The following ARHGAP15 variants were observed in gnomAD, a reference collection of about 807,000 sequenced individuals.
ARHGAP15 encodes Rho GTPase activating protein 15.
In ARHGAP15, 51 loss-of-function variants were observed where a neutral mutation model predicts 63.7. The ratio of observed to expected loss-of-function variants is 0.80; its 90% CI spans 0.64 to 1.01. The LOEUF (loss-of-function observed/expected upper bound fraction) is 1.01, where lower values mean the gene tolerates loss of function less well. Among genes scored for constraint, ARHGAP15 ranks in the 50% least tolerant of loss-of-function variants. The pLI, the probability that ARHGAP15 is intolerant of heterozygous loss-of-function variation, is 0.00. For synonymous variants in ARHGAP15, 191 were observed against 193.8 expected (o/e 0.99, Z 0.12); for missense variants, 560 against 564.6 (o/e 0.99, Z 0.08).
chr2:143,740,828 G>A (rs967211886), intron 13 of ARHGAP15, among the ~76,000 whole-genome samples: 2 of 152,050 alleles, frequency 1.3e-5, no homozygotes, highest in Non-Finnish European at 2.9e-5. Flanking sequence ...CCATATTTAT[G>A]TGTTTCAGCA....
chr2:143,511,751 T>C (rs1420916146), intron 9 of ARHGAP15, among the ~76,000 whole-genome samples: 1 of 152,204 alleles, frequency 6.6e-6, no homozygotes, highest in Non-Finnish European at 1.5e-5. Flanking sequence ...TTTCCATGGC[T>C]CAAATGGATT....
In ARHGAP15 at chr2:143,261,647, C is replaced by T. The variant is rs530920378; in HGVS notation, c.474+11047C>T. Among the ~76,000 whole-genome samples, 18 of 152,118 alleles carry T rather than the reference C, an allele frequency of 1.2e-4. No individual in the cohort carries two copies. In the East Asian group the frequency reaches 2.3e-3, roughly 20 times the overall value. On this transcript the variant is annotated intron_variant, in intron 6 of 13. Transcript: ENST00000295095. ...ACAGGCCTAAGCCACGGTGCCTGGC[C>T]GACCCTTTTCGTTCATAGGAATCTA...
At chr2:143,587,999 G>T (rs550820669) in intron 11 of ARHGAP15, among the ~76,000 whole-genome samples, 2 of 152,092 alleles carry the variant, frequency 1.3e-5, no homozygotes, top group Non-Finnish European at 2.9e-5. Context: ...TCTGCTCAAG[G>T]ATAATCATTT....
At chr2:143,291,402 C>T (rs191376537) in intron 6 of ARHGAP15, among the ~76,000 whole-genome samples, 2 of 152,042 alleles carry the variant, frequency 1.3e-5, no homozygotes, top group East Asian at 3.9e-4. Flanking sequence ...CCCTCCCTCC[C>T]TCCTCACTCA....
intron 11 of ARHGAP15, among the ~76,000 whole-genome samples, chr2:143,582,290 T>G (rs1010585553): frequency 1.3e-5 from 2 of 152,166 alleles, no homozygotes; most frequent in African/African-American, 2.4e-5. Flanking sequence ...CAGATGCTGA[T>G]CTCTGTCGGT....
At position 143,521,012 on chromosome 2, in the gene ARHGAP15, C is replaced by G. The variant is rs573474459; in HGVS notation, c.925+1648C>G. On this transcript the variant is annotated intron_variant, in intron 10 of 13. Transcript: ENST00000295095. ...TAGAAACCATGTCTTTTGTTCATGG[C>G]ATTTTGTTGGTGATTTTTAATAAAA... is the stretch of plus-strand genomic sequence containing the variant. Among the ~76,000 whole-genome samples, 177 of 152,272 alleles carry G rather than the reference C, an allele frequency of 1.2e-3. 1 individual carries two copies. The highest frequency in any genetic ancestry group is 3.3e-3 in the African/African-American group (139 of 41,566).
intron 13 of ARHGAP15, among the ~76,000 whole-genome samples, chr2:143,728,279 C>T (rs1013049986): frequency 2.0e-5 from 3 of 152,064 alleles, no homozygotes; most frequent in African/African-American, 7.2e-5. Flanking sequence ...TCTAAATTTC[C>T]TCTTTCTATA....
chr2:143,438,839 A>G (rs1689732829), intron 8 of ARHGAP15, among the ~76,000 whole-genome samples: 1 of 152,200 alleles, frequency 6.6e-6, no homozygotes, highest in African/African-American at 2.4e-5. Context: ...ATATAAAAGA[A>G]TATGTGATGC....
intron 10 of ARHGAP15, among the ~76,000 whole-genome samples, chr2:143,521,485 A>G (rs905579956): frequency 7.9e-5 from 12 of 152,162 alleles, no homozygotes; most frequent in African/African-American, 2.9e-4. Flanking sequence ...TCTAAGTCCA[A>G]TGTTTATGCA....
At chr2:143,261,912 G>T (rs1680742044) in intron 6 of ARHGAP15, among the ~76,000 whole-genome samples, 1 of 152,244 alleles carries the variant, frequency 6.6e-6, no homozygotes, top group Admixed American at 6.5e-5. Flanking sequence ...CCCAAGGATA[G>T]ACAAGATGAA....
At chr2:143,419,901 T>C (rs2381452) in intron 6 of ARHGAP15, among the ~76,000 whole-genome samples, 135,302 of 152,146 alleles carry the variant, frequency 0.89, 60,544 homozygotes, top group Middle Eastern at 0.97. Flanking sequence ...TCATTGAAAA[T>C]GTATAGAAAA....
At chr2:143,253,697 A>G (rs915483562) in intron 6 of ARHGAP15, among the ~76,000 whole-genome samples, 3 of 144,246 alleles carry the variant, frequency 2.1e-5, no homozygotes, top group Non-Finnish European at 3.1e-5. Context: ...AGATGTTATA[A>G]TTTATATTAA....
rs1416020863 is a variant in ARHGAP15, at chr2:143,147,670, T to G, written c.-14-7807T>G. On this transcript the variant is annotated intron_variant, in intron 1 of 13. Coordinates refer to ENST00000295095, the MANE Select transcript of ARHGAP15 (RefSeq NM_018460.4). ...CAATTGCACCCTAGGAACCTTTTCT[T>G]CAAATGCTTTATTTAGTTATTCCTT... Among the ~76,000 whole-genome samples the G allele has an allele frequency of 5.3e-5, 8 of 152,050 alleles. No individual in the cohort carries two copies. In the East Asian group the frequency reaches 1.6e-3, roughly 30 times the overall value.
chr2:143,586,648 A>G (rs921625812), intron 11 of ARHGAP15, among the ~76,000 whole-genome samples: 1 of 151,434 alleles, frequency 6.6e-6, no homozygotes, highest in African/African-American at 2.4e-5. Context: ...TTCTTTTTAA[A>G]TACTCTTTCC....
chr2:143,148,974 G>A (rs534491599), intron 1 of ARHGAP15, among the ~76,000 whole-genome samples: 120 of 152,144 alleles, frequency 7.9e-4, no homozygotes, highest in African/African-American at 2.6e-3. Flanking sequence ...GACCTGTCAG[G>A]AAAGTGTGAC....
chr2:143,616,829 A>G (rs1698467669), intron 11 of ARHGAP15, among the ~76,000 whole-genome samples: 1 of 152,220 alleles, frequency 6.6e-6, no homozygotes, highest in Non-Finnish European at 1.5e-5. Context: ...AAGTTTTCAT[A>G]TTTAAAACCA....
chr2:143,679,377 C>T (rs1300051384), intron 12 of ARHGAP15, among the ~76,000 whole-genome samples: 1 of 152,192 alleles, frequency 6.6e-6, no homozygotes, highest in Non-Finnish European at 1.5e-5. Context: ...GCAGAGTCAA[C>T]CTGCTCTTAT....
At chr2:143,356,898 C>A (rs908743329) in intron 6 of ARHGAP15, among the ~76,000 whole-genome samples, 1 of 152,178 alleles carries the variant, frequency 6.6e-6, no homozygotes, top group African/African-American at 2.4e-5. Context: ...AGGATTTCAA[C>A]TCCTACCCCT....
At chr2:143,336,327 G>A (rs1398793888) in intron 6 of ARHGAP15, among the ~76,000 whole-genome samples, 1 of 152,172 alleles carries the variant, frequency 6.6e-6, no homozygotes, top group Non-Finnish European at 1.5e-5. Flanking sequence ...ATGAGTGATA[G>A]AGAAACAGCC....
Sources: gnomAD v4.1 joint callset for allele counts (sites outside exome capture counted in the v4.1 genomes callset) on GRCh38, gnomAD v4.1.1 for gene constraint, MANE v1.5 for transcripts, NCBI Gene and HGNC (gene_info 2026-07-23, HGNC 2026-07-21) for gene names.